The following TBC1D5 variants were observed in gnomAD, a reference collection of about 807,000 sequenced individuals.
TBC1D5 encodes the protein TBC1 domain family, member 5.
A neutral mutation model predicts 100.3 loss-of-function variants in TBC1D5; 75 were observed. That is an observed-to-expected ratio of 0.75 (90% CI 0.62 to 0.91). The LOEUF is 0.91. Among genes scored for constraint, TBC1D5 ranks in the 40% least tolerant of loss-of-function variants. The pLI is 0.00. For missense variants in TBC1D5, 910 were observed against 942.4 expected (o/e 0.97, Z 0.45); for synonymous variants, 323 against 325.6 (o/e 0.99, Z 0.09).
At position 17,267,516 on chromosome 3, in the gene TBC1D5, T is replaced by TA. The variant is rs576365317; in HGVS notation, c.1246-8926dup. ...AAAAGTGATCTCAAAAAAATATTCC[T>TA]AAAGATTCCAATTTGGGAAACAGAG... is the stretch of plus-strand genomic sequence containing the variant. On this transcript the variant is annotated intron_variant, in intron 15 of 21. Coordinates refer to ENST00000253692, the Ensembl canonical transcript of TBC1D5. Among the ~76,000 whole-genome samples, 21 of 152,270 alleles carry TA rather than the reference T, an allele frequency of 1.4e-4. No homozygotes were observed. In the East Asian group the frequency reaches 4.0e-3, roughly 29 times the overall value.
chr3:17,488,462 C>G (rs1406342954), intron 3 of TBC1D5, among the ~76,000 whole-genome samples: 1 of 152,128 alleles, frequency 6.6e-6, no homozygotes, highest in East Asian at 1.9e-4. Flanking sequence ...TCTGTATAGA[C>G]GTAAGTTTTC....
At chr3:17,411,357 T>C (rs759672290) in intron 4 of TBC1D5, among the ~76,000 whole-genome samples, 4 of 152,178 alleles carry the variant, frequency 2.6e-5, no homozygotes, top group African/African-American at 9.7e-5. Context: ...TTTATTCCAA[T>C]AGTTGCTTTA....
chr3:17,583,716 G>A (rs947662865), intron 2 of TBC1D5, among the ~76,000 whole-genome samples: 1 of 152,054 alleles, frequency 6.6e-6, no homozygotes, highest in African/African-American at 2.4e-5. Context: ...AACAGAGCAA[G>A]ACTGTCTCAA....
chr3:17,592,549 T>C (rs1452175161), intron 2 of TBC1D5, among the ~76,000 whole-genome samples: 1 of 152,220 alleles, frequency 6.6e-6, no homozygotes, highest in African/African-American at 2.4e-5. Flanking sequence ...TATTTGGATT[T>C]TGGAGGCAAT....
Position 17,428,443 on chromosome 3 carries a change from C to T in TBC1D5, c.167+7G>A. ...TATATATATATATATATGTATTCATCACCTACCTATAGGAATTAAAAGTCC... is the reference window on the plus strand; with the variant it reads ...TATATATATATATATATGTATTCATTACCTACCTATAGGAATTAAAAGTCC... On this transcript the variant is annotated splice_region_variant and intron_variant, in intron 4 of 21. Transcript: ENST00000253692. 8.6e-7 allele frequency: 1 copy of T among 1,168,846 alleles called. No individual in the cohort carries two copies. 72.4% of individuals were successfully genotyped at this position (1,168,846 alleles called of 1,614,324 possible).
intron 2 of TBC1D5, among the ~76,000 whole-genome samples, chr3:17,548,584 G>A (rs924324842): frequency 6.6e-6 from 1 of 152,114 alleles, no homozygotes; most frequent in African/African-American, 2.4e-5. Context: ...TTCAAAAGAT[G>A]CTTTTGTAGA....
At chr3:17,352,718 A>T (rs184089397) in intron 13 of TBC1D5, among the ~76,000 whole-genome samples, 1 of 149,912 alleles carries the variant, frequency 6.7e-6, no homozygotes, top group African/African-American at 2.5e-5. Context: ...CCTACTGTGC[A>T]CTCCAACAGG....
At chr3:17,509,811 A>AG (rs2095882605) in intron 2 of TBC1D5, among the ~76,000 whole-genome samples, 4 of 152,050 alleles carry the variant, frequency 2.6e-5, no homozygotes, top group African/African-American at 9.6e-5. Flanking sequence ...TGTTATACTT[A>AG]CAAGTTTTTA....
chr3:17,461,058 TATG>T (rs2095198565), intron 3 of TBC1D5, among the ~76,000 whole-genome samples: 1 of 152,204 alleles, frequency 6.6e-6, no homozygotes, highest in Non-Finnish European at 1.5e-5. Context: ...GGTAACTATT[TATG>T]ATAATTATTA....
chr3:17,322,538 T>C (rs2085548895), intron 13 of TBC1D5, among the ~76,000 whole-genome samples: 1 of 151,818 alleles, frequency 6.6e-6, no homozygotes, highest in African/African-American at 2.4e-5. Context: ...GCTTTTTACC[T>C]GGATGTGCTT....
At chr3:17,691,262 TC>T (rs2071110340) in intron 1 of TBC1D5, among the ~76,000 whole-genome samples, 1 of 152,156 alleles carries the variant, frequency 6.6e-6, no homozygotes, top group Non-Finnish European at 1.5e-5. Flanking sequence ...CGACCCCCGA[TC>T]CCTGGCACTC....
chr3:17,248,039 T>C (rs2076886391), intron 16 of TBC1D5, among the ~76,000 whole-genome samples: 1 of 151,724 alleles, frequency 6.6e-6, no homozygotes. Context: ...TCACCCAGGC[T>C]GGAGTGTGGT....
chr3:17,407,756 C>T (rs940372637), intron 4 of TBC1D5, among the ~76,000 whole-genome samples: 3 of 152,096 alleles, frequency 2.0e-5, no homozygotes, highest in African/African-American at 7.2e-5. Context: ...AACCCAGTAG[C>T]GTTGTGATCC....
rs1283774754 is a variant in TBC1D5, at chr3:17,486,959, T to G, written c.97+21515A>C. Among the ~76,000 whole-genome samples, 4 of 152,210 alleles carry G rather than the reference T, an allele frequency of 2.6e-5. No homozygotes were observed. The East Asian group carries it at 7.7e-4, about 29-fold the overall frequency. ...TAGGATAGTCTATTTAAAGAAAATA[T>G]TAGAAAACGGCATATCCTAGTACTC... On this transcript the variant is annotated intron_variant, in intron 3 of 21. Transcript: ENST00000253692.
At chr3:17,469,918 AAAG>A (rs1450198182) in intron 3 of TBC1D5, among the ~76,000 whole-genome samples, 8 of 152,364 alleles carry the variant, frequency 5.3e-5, no homozygotes, top group African/African-American at 1.9e-4. Flanking sequence ...CACTAAAATA[AAAG>A]AATAAATGTT....
chr3:17,199,748 AT>A (rs2125780920), intron 18 of TBC1D5, among the ~76,000 whole-genome samples: 1 of 152,348 alleles, frequency 6.6e-6, no homozygotes, highest in Admixed American at 6.5e-5. Context: ...AAAGGTGATG[AT>A]GATCAAGAGG....
chr3:17,336,214 G>A (rs371510890), intron 13 of TBC1D5, among the ~76,000 whole-genome samples: 3 of 152,172 alleles, frequency 2.0e-5, no homozygotes, highest in South Asian at 2.1e-4. Flanking sequence ...CAGCATGTGA[G>A]CTAAACACTA....
At chr3:17,686,805 C>A (rs1375493303) in intron 1 of TBC1D5, among the ~76,000 whole-genome samples, 1 of 152,096 alleles carries the variant, frequency 6.6e-6, no homozygotes, top group Non-Finnish European at 1.5e-5. Context: ...TGTGTCACAA[C>A]TAGGGAGAAT....
At chr3:17,238,046 A>T (rs951063869) in intron 17 of TBC1D5, 117 bp downstream of exon 17, 4 of 1,402,762 alleles carry the variant, frequency 2.9e-6, no homozygotes, top group Non-Finnish European at 3.8e-6. Flanking sequence ...TAACATATTT[A>T]AAAAGTAAGT....
Sources: gnomAD v4.1 joint callset for allele counts (sites outside exome capture counted in the v4.1 genomes callset) on GRCh38, gnomAD v4.1.1 for gene constraint, MANE v1.5 for transcripts, NCBI Gene and HGNC (gene_info 2026-07-23, HGNC 2026-07-21) for gene names.